The following ESPL1 variants were observed in gnomAD, a reference collection of about 807,000 sequenced individuals.
ESPL1 encodes separin.
ESPL1 carries 50 observed loss-of-function variants against 217.2 expected under a neutral mutation model. The ratio of observed to expected loss-of-function variants is 0.23; its 90% CI spans 0.18 to 0.29. ESPL1 has a LOEUF of 0.29. Ranked by LOEUF, ESPL1 falls within the 10% of genes least tolerant of loss-of-function variation. The pLI, the probability that ESPL1 is intolerant of heterozygous loss-of-function variation, is 1.00. For synonymous variants in ESPL1, 994 were observed against 1,081.3 expected, an observed-to-expected ratio of 0.92 and a Z score of 1.58; for missense variants, 1,834 against 2,603.0, an observed-to-expected ratio of 0.70 and a Z score of 6.43.
rs1294778935 is a variant in ESPL1, at chr12:53,270,071, C to T, written c.1129C>T (p.Leu377=). Residue 377 remains leucine, a synonymous_variant, in exon 3 of 31, where the codon CTG becomes TTG. Coordinates refer to ENST00000257934, the MANE Select transcript of ESPL1 (RefSeq NM_012291.5). ...AGGGTACTGCTCTCTTCTGCAGCAG[C>T]TGCGGGATGATGGTGTGAGTTAAGG... ...LGGYCSLLQQ[L]RDDGVYGGSS... 3 of 1,608,322 alleles carry T rather than the reference C, an allele frequency of 1.9e-6. No individual in the cohort carries two copies. The highest frequency in any genetic ancestry group is 1.3e-5 in the African/African-American group (1 of 74,850).
chr12:53,279,614 A>C, intron 11 of ESPL1, 118 bp from the exon 12 acceptor site: 1 of 1,217,156 alleles, frequency 8.2e-7, no homozygotes, highest in Non-Finnish European at 1.2e-6. Context: ...GGGTAACTAC[A>C]TTCCACCCAG....
At position 53,288,358 on chromosome 12, in the gene ESPL1, G is replaced by A. The variant is rs768478752; in HGVS notation, c.4546+17G>A. 14 of 1,574,864 alleles carry A rather than the reference G, an allele frequency of 8.9e-6. No individual in the cohort carries two copies. Among genetic ancestry groups the A allele is most frequent in the Non-Finnish European group, 1.2e-5 (14 of 1,160,964 alleles). On this transcript the variant is annotated intron_variant, in intron 19 of 30. Transcript: ENST00000257934. ...CAGCCTCAGGTAGGACAGCAAGGGT[G>A]AGGTGGAAGGTGCATGTTTTGGGGG...
Position 53,269,881 on chromosome 12 carries a change from G to A in ESPL1, c.939G>A (p.Lys313=). ...AGGAAGGACCTCAGGCAGTGGCCAA[G>A]CTTCTGATCAAGGCATCAGCTGTCC... ...VGEEGPQAVA[K]LLIKASAVLS... The change falls in exon 3 of 31, where the codon AAG becomes AAA. Residue 313 remains lysine, a synonymous_variant. Coordinates refer to ENST00000257934, the MANE Select transcript of ESPL1 (RefSeq NM_012291.5). This position sits in a 1 kb window ranked among gnomAD's most constrained non-coding sequence, Gnocchi z 6.7. 6.2e-7 allele frequency: 1 copy of A among 1,614,212 alleles called. No homozygotes were observed. Among genetic ancestry groups the A allele is most frequent in the Admixed American group, 1.7e-5 (1 of 60,028 alleles).
At chr12:53,275,084 C>G in intron 7 of ESPL1, 74 bp downstream of exon 7, 2 of 1,241,526 alleles carry the variant, frequency 1.6e-6, no homozygotes, top group Non-Finnish European at 2.2e-6. Flanking sequence ...GGGTGGATCA[C>G]TTGAGGTCAG....
At position 53,289,709 on chromosome 12, in the gene ESPL1, GTCATACCTTTTC is replaced by G. The variant is rs1348602417; in HGVS notation, c.5113+116_5113+127del. On this transcript the variant is annotated intron_variant, in intron 22 of 30. Coordinates refer to ENST00000257934, the MANE Select transcript of ESPL1 (RefSeq NM_012291.5). Reference sequence around the variant, plus strand: ...GTTTACATAGATTTATGACCCTTATGTCATACCTTTTCACCTGTTAGCATCTTACATCAGGAA... The same window carrying G: ...GTTTACATAGATTTATGACCCTTATGACCTGTTAGCATCTTACATCAGGAA... 5.8e-6 allele frequency: 5 copies of G among 860,934 alleles called. No homozygotes were observed. In the African/African-American group the frequency reaches 6.8e-5, roughly 12 times the overall value. 53.3% of individuals were successfully genotyped at this position (860,934 alleles called of 1,614,324 possible).
At chr12:53,288,367 G>T (rs1409689910) in intron 19 of ESPL1, 26 bp downstream of exon 19, 32 of 1,568,742 alleles carry the variant, frequency 2.0e-5, no homozygotes, top group Non-Finnish European at 2.7e-5. Flanking sequence ...TGAGGTGGAA[G>T]GTGCATGTTT....
chr12:53,273,708 G>A (rs1175517458), intron 6 of ESPL1, among the ~76,000 whole-genome samples: 8 of 151,492 alleles, frequency 5.3e-5, no homozygotes, highest in South Asian at 2.1e-4. Context: ...GCAGTGAGCC[G>A]AGATTGTGCT....
chr12:53,286,463 C>T lies in ESPL1; in HGVS notation c.3727C>T (p.Leu1243=). 6.2e-7 allele frequency: 1 copy of T among 1,614,238 alleles called. No homozygotes were observed. The highest frequency in any genetic ancestry group is 2.2e-5 in the East Asian group (1 of 44,888). The stretch of plus-strand genomic sequence containing the variant: ...CCTGAACCAGCCATCAAACGAGAGC[C>T]TGCAGAAGGTTCTACAGTCAGGGCT... ...EGLNQPSNES[L]QKVLQSGLKF... The change falls in exon 18 of 31, where the codon CTG becomes TTG. Residue 1243 remains leucine, a synonymous_variant. Coordinates refer to ENST00000257934, the MANE Select transcript of ESPL1 (RefSeq NM_012291.5). This position sits in a 1 kb window ranked among gnomAD's most constrained non-coding sequence, Gnocchi z 5.3.
At chr12:53,277,982 G>A in intron 11 of ESPL1, 22 bp downstream of exon 11, 1 of 1,610,392 alleles carries the variant, frequency 6.2e-7, no homozygotes, top group Non-Finnish European at 8.5e-7. Context: ...GGGCATTGAG[G>A]GGGACCCATA....
At chr12:53,276,498 T>G in intron 7 of ESPL1, 122 bp from the exon 8 acceptor site, 1 of 1,151,372 alleles carries the variant, frequency 8.7e-7, no homozygotes, top group Non-Finnish European at 1.2e-6. Flanking sequence ...ATTTAAATTT[T>G]TAAAGCCATG....
chr12:53,271,297 G>A (rs1423687724), intron 5 of ESPL1, among the ~76,000 whole-genome samples: 5 of 144,920 alleles, frequency 3.5e-5, no homozygotes, highest in South Asian at 2.4e-4. Context: ...CCTCAGCCCC[G>A]CAACGAGCTC....
chr12:53,272,276 G>A (rs1943690116), intron 5 of ESPL1, among the ~76,000 whole-genome samples: 1 of 152,228 alleles, frequency 6.6e-6, no homozygotes, highest in Admixed American at 6.5e-5. Context: ...AAGAAATGTG[G>A]GGGAAAGGAA....
intron 16 of ESPL1, 28 bp downstream of exon 16, chr12:53,283,566 A>G (rs749997431): frequency 9.4e-6 from 15 of 1,600,802 alleles, no homozygotes; most frequent in African/African-American, 6.7e-5. Flanking sequence ...GGATATGGCA[A>G]TGATGGCACC....
intron 7 of ESPL1, among the ~76,000 whole-genome samples, chr12:53,276,345 A>T (rs1943765270): frequency 6.6e-6 from 1 of 152,162 alleles, no homozygotes. Context: ...GCGGTATAGG[A>T]TGGGGAACCA....
chr12:53,270,905 G>A (rs1319487801), intron 5 of ESPL1, 107 bp downstream of exon 5: 13 of 1,199,940 alleles, frequency 1.1e-5, no homozygotes, highest in Non-Finnish European at 1.5e-5. Context: ...GGTTCCTTAT[G>A]GTTCAAGGAG....
rs577356089 is a variant in ESPL1, at chr12:53,282,250, C to T, written c.2620-14C>T. On this transcript the variant is annotated splice_polypyrimidine_tract_variant and intron_variant, in intron 13 of 30. Transcript: ENST00000257934. This position sits in a 1 kb window ranked among gnomAD's most constrained non-coding sequence, Gnocchi z 4.0. Reference sequence around the variant, plus strand: ...ACTGCCTTACTGCCTCCTCTGGCTCCTTCTCTCCTTCAGGTGACCAAGGGT... The same window carrying T: ...ACTGCCTTACTGCCTCCTCTGGCTCTTTCTCTCCTTCAGGTGACCAAGGGT... The T allele has an allele frequency of 6.2e-7, 1 of 1,612,868 alleles. No individual in the cohort carries two copies. Among genetic ancestry groups the T allele is most frequent in the Non-Finnish European group, 8.5e-7 (1 of 1,179,062 alleles).
Position 53,285,968 on chromosome 12 carries a change from C to T in ESPL1, c.3232C>T (p.His1078Tyr), listed in dbSNP as rs139523603. 2 of 1,566,026 alleles carry T rather than the reference C, an allele frequency of 1.3e-6. No individual in the cohort carries two copies. The highest frequency in any genetic ancestry group is 1.4e-5 in the African/African-American group (1 of 73,704). ...GCACCTGGACTCTGTGAAGAAGGTC[C>T]ACCTGCAGAAGGGGAAGCAGCAGGC... The part of the protein sequence containing the change: ...TQHLDSVKKV[H>Y]LQKGKQQAQV... The change falls in exon 18 of 31, where the codon CAC (histidine) becomes TAC (tyrosine). Residue 1078 changes from histidine to tyrosine, a missense_variant. Physicochemically the swap from His to Tyr is moderately conservative, Grantham distance 83. This residue lies in a region of ESPL1 where 681 missense variants were observed against 808.0 expected (regional missense o/e 0.84). Transcript: ENST00000257934.
intron 5 of ESPL1, among the ~76,000 whole-genome samples, chr12:53,272,274 T>TG (rs569249947): frequency 6.6e-6 from 1 of 151,660 alleles, no homozygotes; most frequent in Non-Finnish European, 1.5e-5. Context: ...ATAAGAAATG[T>TG]GGGGGAAAGG....
In ESPL1 at chr12:53,277,539, T is replaced by C. The variant is rs1201776418; in HGVS notation, c.2155T>C (p.Tyr719His). The C allele has an allele frequency of 6.2e-7, 1 of 1,614,160 alleles. No homozygotes were observed. The highest frequency in any genetic ancestry group is 2.2e-5 in the East Asian group (1 of 44,888). Residue 719 changes from tyrosine to histidine, a missense_variant, in exon 10 of 31, where the codon TAT (tyrosine) becomes CAT (histidine). By Grantham distance (83) the Tyr-to-His change is moderately conservative. Transcript: ENST00000257934. ...GGAATTTGAAGTCAATGACCTGAAC[T>C]ATGAAGATAAACTCCAGGAAGATCG... ...LEEFEVNDLN[Y>H]EDKLQEDRFL...
Sources: allele counts gnomAD v4.1 joint callset (sites outside exome capture counted in the v4.1 genomes callset), GRCh38; gene constraint gnomAD v4.1.1; regional missense constraint gnomAD v4.1.1; non-coding constraint Gnocchi (gnomAD v3.1); transcripts MANE v1.5; gene names NCBI Gene and HGNC (gene_info 2026-07-23, HGNC 2026-07-21).